Variants in ZFP1 observed in about 807,000 individuals in gnomAD.
ZFP1 encodes the protein ZFP1 zinc finger protein, also known as zinc finger protein 1 homolog.
In ZFP1, 32 loss-of-function variants were observed where a neutral mutation model predicts 38.5. That is an observed-to-expected ratio of 0.83 (90% CI 0.63 to 1.12). The LOEUF (loss-of-function observed/expected upper bound fraction) is 1.12. Ranked by LOEUF, ZFP1 falls within the 50% of genes most tolerant of loss-of-function variation. The pLI is 0.00. For synonymous variants in ZFP1, 245 were observed against 168.8 expected (o/e 1.45, Z -3.50); for missense variants, 616 against 480.8 (o/e 1.28, Z -2.63).
intron 2 of ZFP1, among the ~76,000 whole-genome samples, chr16:75,163,981 C>A (rs1324046992): frequency 6.6e-6 from 1 of 152,134 alleles, no homozygotes; most frequent in Non-Finnish European, 1.5e-5. Context: ...ATAGAGATAA[C>A]CAGTATGTTT....
chr16:75,120,769 T>C, the ZFP1 span, among the ~76,000 whole-genome samples: 8 of 106,470 alleles, frequency 7.5e-5, no homozygotes, highest in Non-Finnish European at 1.5e-4. Flanking sequence ...AGCTTGTTTT[T>C]TGTTTGTTTG....
At chr16:75,120,846 C>T in the ZFP1 span, among the ~76,000 whole-genome samples, 14 of 151,942 alleles carry the variant, frequency 9.2e-5, no homozygotes, top group Admixed American at 3.9e-4. Flanking sequence ...AGGATGGTCT[C>T]GATCTCCTGA....
At chr16:75,140,125 G>A in the ZFP1 span, among the ~76,000 whole-genome samples, 177 of 152,128 alleles carry the variant, frequency 1.2e-3, 1 homozygote, top group African/African-American at 4.0e-3. Context: ...AAAACTAGCC[G>A]GGCGTGGTGG....
chr16:75,170,521 GA>G lies in ZFP1; in HGVS notation c.*189del, dbSNP rs1356429610. The G allele has an allele frequency of 9.6e-6, 8 of 831,904 alleles. No homozygotes were observed. Among genetic ancestry groups the G allele is most frequent in the African/African-American group, 1.7e-5 (1 of 58,766 alleles). The allele number at this position is 831,904 out of a possible 1,614,324, so 51.5% of individuals were successfully genotyped here. A position where few individuals can be genotyped will look rare whatever the true frequency, so the allele number is the denominator to read the frequency against. On this transcript the variant is annotated 3_prime_UTR_variant, in exon 4 of 4. Transcript: ENST00000570010. ...AAGTTACATGTGATACCCAGCTAAA[GA>G]ATACATATCAGAATATATCCAGTTG... is the stretch of plus-strand genomic sequence containing the variant.
intron 1 of ZFP1, 81 bp from the exon 2 acceptor site, chr16:75,152,828 G>A (rs1185839997): frequency 7.4e-7 from 1 of 1,349,598 alleles, no homozygotes; most frequent in Non-Finnish European, 1.0e-6. Flanking sequence ...GGTCTCTAGG[G>A]GTTTCTAAAC....
chr16:75,121,284 C>T, the ZFP1 span, among the ~76,000 whole-genome samples: 1 of 151,250 alleles, frequency 6.6e-6, no homozygotes, highest in African/African-American at 2.4e-5. Flanking sequence ...CACCACCACG[C>T]CCAGCTAATT....
the ZFP1 span, among the ~76,000 whole-genome samples, chr16:75,123,918 T>C: frequency 8.5e-5 from 11 of 130,094 alleles, 1 homozygote; most frequent in South Asian, 2.6e-4. Context: ...GGTGAAACCC[T>C]GTCTCTACTA....
At chr16:75,142,307 C>T in the ZFP1 span, among the ~76,000 whole-genome samples, 5 of 151,022 alleles carry the variant, frequency 3.3e-5, no homozygotes, top group African/African-American at 4.9e-5. Flanking sequence ...GTGGAAGTTG[C>T]AGTGAGCTGA....
rs764969762 is a variant in ZFP1 at position 75,169,577 on chromosome 16, C to T, written c.467C>T (p.Ser156Phe). 3.1e-6 allele frequency: 5 copies of T among 1,601,136 alleles called. No homozygotes were observed. In the South Asian group the frequency reaches 5.6e-5, roughly 18 times the overall value. ...QEKTHSGVEY[S>F]EYNKSGKALS... ...AAAACCCACAGTGGAGTAGAATATT[C>T]TGAATACAATAAAAGTGGAAAAGCC... The change falls in exon 4 of 4, where the codon TCT (serine) becomes TTT (phenylalanine). Residue 156 changes from serine (S) to phenylalanine (F), a missense_variant. By Grantham distance (155) the Ser-to-Phe change is radical. Coordinates refer to ENST00000570010, the MANE Select transcript of ZFP1 (RefSeq NM_153688.4).
chr16:75,138,557 G>C, the ZFP1 span, among the ~76,000 whole-genome samples: 4 of 152,344 alleles, frequency 2.6e-5, no homozygotes, highest in South Asian at 4.1e-4. Flanking sequence ...CTCGGACTGT[G>C]ACCTTATTTG....
chr16:75,139,368 CAAAAAAA>C, the ZFP1 span, among the ~76,000 whole-genome samples: 10 of 42,774 alleles, frequency 2.3e-4, no homozygotes, highest in East Asian at 2.0e-3. Flanking sequence ...GACTCCATCT[CAAAAAAA>C]AAAAAAAAAA....
chr16:75,152,861 G>A, intron 1 of ZFP1, 48 bp from the exon 2 acceptor site: 1 of 1,546,494 alleles, frequency 6.5e-7, no homozygotes, highest in African/African-American at 1.4e-5. Context: ...GAGTTGTAAG[G>A]CAGGTCAGAC....
chr16:75,169,180 G>T, intron 3 of ZFP1, 73 bp from the exon 4 acceptor site: 2 of 1,509,250 alleles, frequency 1.3e-6, no homozygotes, highest in Non-Finnish European at 1.8e-6. Context: ...GAACACGTGT[G>T]AAGACTTCCC....
chr16:75,155,153 C>G (rs2037408819), intron 2 of ZFP1, among the ~76,000 whole-genome samples: 1 of 152,146 alleles, frequency 6.6e-6, no homozygotes, highest in Admixed American at 6.6e-5. Context: ...GTTTTTGAGA[C>G]AGGGTCTCGC....
At position 75,165,718 on chromosome 16, in the gene ZFP1, AT is replaced by A. The variant is rs573507213; in HGVS notation, c.16-1040del. On this transcript the variant is annotated intron_variant, in intron 2 of 3. Coordinates refer to ENST00000570010, the MANE Select transcript of ZFP1 (RefSeq NM_153688.4). ...AAATCAGTTTTGTTATATGCTGAGT[AT>A]TTTTTTTTTTTAATGTACTTATTGT... 9.4e-3 allele frequency among the ~76,000 whole-genome samples: 1,357 copies of A among 145,076 alleles called. 15 individuals are homozygous for A. The highest frequency in any genetic ancestry group is 0.025 in the African/African-American group (1,008 of 39,816).
chr16:75,151,809 T>C (rs888696962), intron 1 of ZFP1, among the ~76,000 whole-genome samples: 1 of 152,236 alleles, frequency 6.6e-6, no homozygotes, highest in Non-Finnish European at 1.5e-5. Context: ...ATTCAGGTTT[T>C]TGTCTGATAT....
Position 75,160,354 on chromosome 16 carries a change from C to A in ZFP1, c.16-6416C>A, listed in dbSNP as rs572323979. ...TTGAGACCAGTCTTGCCAACATGTA[C>A]TAAACCCATCTGTACTAAACCCCAT... On this transcript the variant is annotated intron_variant, in intron 2 of 3. Coordinates refer to ENST00000570010, the MANE Select transcript of ZFP1 (RefSeq NM_153688.4). 6.6e-5 allele frequency among the ~76,000 whole-genome samples: 10 copies of A among 152,202 alleles called. No individual in the cohort carries two copies. The East Asian group carries it at 1.9e-3, about 29-fold the overall frequency.
At chr16:75,166,942 T>C in intron 3 of ZFP1, 46 bp downstream of exon 3, 1 of 1,579,128 alleles carries the variant, frequency 6.3e-7, no homozygotes. Context: ...CTAGAGGTAT[T>C]TATGTCCTGT....
chr16:75,167,476 TTTG>T (rs1418985294), intron 3 of ZFP1, among the ~76,000 whole-genome samples: 3 of 152,096 alleles, frequency 2.0e-5, no homozygotes, highest in East Asian at 1.9e-4. Context: ...TATCTTAAAC[TTTG>T]TTGTGTCTTG....
Sources: gnomAD v4.1 joint callset for allele counts (sites outside exome capture counted in the v4.1 genomes callset) on GRCh38, gnomAD v4.1.1 for gene constraint, MANE v1.5 for transcripts, NCBI Gene and HGNC (gene_info 2026-07-23, HGNC 2026-07-21) for gene names.